PPP1R16B: variants seen among roughly 807,000 people sequenced by gnomAD.
PPP1R16B encodes protein phosphatase 1 regulatory inhibitor subunit 16B.
PPP1R16B carries 14 observed loss-of-function variants against 61.7 expected under a neutral mutation model. The ratio of observed to expected loss-of-function variants is 0.23; its 90% CI spans 0.15 to 0.35. The LOEUF (loss-of-function observed/expected upper bound fraction) is 0.35. PPP1R16B is among the 10% of genes least tolerant of loss of function. The pLI, the probability that PPP1R16B is intolerant of heterozygous loss-of-function variation, is 1.00. For synonymous variants in PPP1R16B, 266 were observed against 305.3 expected (o/e 0.87, Z 1.34); for missense variants, 547 against 752.5 (o/e 0.73, Z 3.19).
intron 2 of PPP1R16B, among the ~76,000 whole-genome samples, chr20:38,850,356 C>G (rs191492812): frequency 6.6e-6 from 1 of 152,088 alleles, no homozygotes; most frequent in Non-Finnish European, 1.5e-5. Context: ...ACCCACTCCC[C>G]CAAAAATATT....
chr20:38,864,417 G>C (rs2085076569), intron 2 of PPP1R16B, among the ~76,000 whole-genome samples: 1 of 152,208 alleles, frequency 6.6e-6, no homozygotes, highest in Admixed American at 6.5e-5. Flanking sequence ...GCACTTGCTA[G>C]TGCCACTGGC....
chr20:38,914,828 A>G (rs959389313), intron 10 of PPP1R16B, among the ~76,000 whole-genome samples: 4 of 152,042 alleles, frequency 2.6e-5, no homozygotes, highest in Non-Finnish European at 2.9e-5. Context: ...CACCATGCCC[A>G]GCTAATTTTT....
intron 10 of PPP1R16B, among the ~76,000 whole-genome samples, chr20:38,910,988 C>T (rs1255235631): frequency 1.3e-5 from 2 of 151,352 alleles, no homozygotes; most frequent in Non-Finnish European, 2.9e-5. Flanking sequence ...AGCGAGACTC[C>T]GTCTCAAAAC....
Position 38,842,006 on chromosome 20 carries a change from G to A in PPP1R16B, c.250+5831G>A, listed in dbSNP as rs148017808. On this transcript the variant is annotated intron_variant, in intron 2 of 10. Transcript: ENST00000299824. Reference sequence around the variant, plus strand: ...ATGTTTAACTTTTTAAGAAACTGCTGTACTGTCTTGGAAAATGGCTTCACT... The same window carrying A: ...ATGTTTAACTTTTTAAGAAACTGCTATACTGTCTTGGAAAATGGCTTCACT... 2.3e-3 allele frequency among the ~76,000 whole-genome samples: 350 copies of A among 152,282 alleles called. 1 individual carries two copies. The highest frequency in any genetic ancestry group is 7.8e-3 in the African/African-American group (326 of 41,542).
At chr20:38,878,957 G>T (rs751506776) in intron 2 of PPP1R16B, among the ~76,000 whole-genome samples, 3 of 152,200 alleles carry the variant, frequency 2.0e-5, no homozygotes, top group Non-Finnish European at 4.4e-5. Context: ...CAGGGCATCT[G>T]GGGAGAGGGG....
chr20:38,918,208 C>G lies in PPP1R16B; in HGVS notation c.1246C>G (p.Pro416Ala). Reference protein sequence around the residue: ...VLLSEFPTKIPRGELDMPVEN... With the variant: ...VLLSEFPTKIARGELDMPVEN... The stretch of plus-strand genomic sequence containing the variant: ...ACTCTCCGAATTTCCTACCAAGATC[C>G]CACGAGGTGAACTGGACATGCCTGT... Residue 416 changes from proline (P) to alanine (A), a missense_variant, in exon 11 of 11, where the codon CCA becomes GCA. Transcript: ENST00000299824. This position sits in a 1 kb window ranked among gnomAD's most constrained non-coding sequence, Gnocchi z 5.3. 1 of 1,614,236 alleles carries G rather than the reference C, an allele frequency of 6.2e-7. No individual in the cohort carries two copies.
At chr20:38,854,956 A>C (rs1284556364) in intron 2 of PPP1R16B, among the ~76,000 whole-genome samples, 1 of 152,214 alleles carries the variant, frequency 6.6e-6, no homozygotes, top group Non-Finnish European at 1.5e-5. Context: ...GTCACATAAA[A>C]GTATTCTTAT....
intron 5 of PPP1R16B, 52 bp downstream of exon 5, chr20:38,900,736 G>A (rs561002417): frequency 2.1e-6 from 3 of 1,397,524 alleles, no homozygotes; most frequent in East Asian, 2.6e-5. Context: ...GTTGCAGAGA[G>A]CGTCCCTTAA....
intron 1 of PPP1R16B, among the ~76,000 whole-genome samples, chr20:38,812,907 C>T (rs1204760003): frequency 6.6e-6 from 1 of 152,188 alleles, no homozygotes; most frequent in African/African-American, 2.4e-5. Flanking sequence ...CCTTTGGTTT[C>T]CTGCTAAAAT....
At chr20:38,826,838 C>G (rs1328585123) in intron 1 of PPP1R16B, among the ~76,000 whole-genome samples, 2 of 152,244 alleles carry the variant, frequency 1.3e-5, no homozygotes, top group Non-Finnish European at 2.9e-5. Flanking sequence ...ACTCCAGCAT[C>G]ATGCCATGGC....
intron 2 of PPP1R16B, among the ~76,000 whole-genome samples, chr20:38,878,898 A>T (rs562695714): frequency 1.3e-5 from 2 of 152,264 alleles, no homozygotes; most frequent in African/African-American, 4.8e-5. Flanking sequence ...AGGAGAAGTG[A>T]GGTGAGAGAT....
chr20:38,915,046 C>T (rs1007263739), intron 10 of PPP1R16B, among the ~76,000 whole-genome samples: 1 of 151,840 alleles, frequency 6.6e-6, no homozygotes, highest in Non-Finnish European at 1.5e-5. Context: ...GTGGAAAGTA[C>T]AGATATTTCC....
chr20:38,895,448 A>G (rs1233019049), intron 3 of PPP1R16B, 117 bp from the exon 4 acceptor site: 1 of 1,242,828 alleles, frequency 8.0e-7, no homozygotes, highest in African/African-American at 1.5e-5. Context: ...AGCTGGATTC[A>G]AACAGGCCTT....
Position 38,906,111 on chromosome 20 carries a change from G to A in PPP1R16B, c.822+17G>A. On this transcript the variant is annotated intron_variant, in intron 7 of 10. Transcript: ENST00000299824. Reference sequence around the variant, plus strand: ...TGGGGACAGGTAGTTCTCACCCACAGGGCTGTGGGGGAGGCCGGCACAGGG... The same window carrying A: ...TGGGGACAGGTAGTTCTCACCCACAAGGCTGTGGGGGAGGCCGGCACAGGG... 1.9e-6 allele frequency: 3 copies of A among 1,608,720 alleles called. No individual in the cohort carries two copies. Among genetic ancestry groups the A allele is most frequent in the Non-Finnish European group, 2.5e-6 (3 of 1,178,406 alleles).
intron 2 of PPP1R16B, among the ~76,000 whole-genome samples, chr20:38,842,297 C>G (rs976051141): frequency 6.6e-6 from 1 of 152,216 alleles, no homozygotes; most frequent in Non-Finnish European, 1.5e-5. Context: ...CTGCTGGCAT[C>G]TTGGGCCCTT....
At chr20:38,870,262 C>T (rs1002688152) in intron 2 of PPP1R16B, among the ~76,000 whole-genome samples, 1 of 152,144 alleles carries the variant, frequency 6.6e-6, no homozygotes, top group East Asian at 1.9e-4. Context: ...TTATTGAGCA[C>T]CTGTGGTGTG....
intron 3 of PPP1R16B, among the ~76,000 whole-genome samples, chr20:38,894,504 A>G (rs944447341): frequency 2.6e-5 from 4 of 152,220 alleles, no homozygotes; most frequent in African/African-American, 9.7e-5. Context: ...TCCACGTGTA[A>G]TCAGAGGAGC....
At chr20:38,870,723 A>C (rs1194851877) in intron 2 of PPP1R16B, among the ~76,000 whole-genome samples, 2 of 152,146 alleles carry the variant, frequency 1.3e-5, no homozygotes, top group Non-Finnish European at 2.9e-5. Context: ...TCTTAGCTGC[A>C]AGCAGGACCG....
intron 1 of PPP1R16B, among the ~76,000 whole-genome samples, chr20:38,815,706 T>C (rs530900933): frequency 6.6e-6 from 1 of 152,382 alleles, no homozygotes; most frequent in East Asian, 1.9e-4. Flanking sequence ...AAGCAGAACA[T>C]TTCTGCATAA....
Sources: gnomAD v4.1 joint callset for allele counts (sites outside exome capture counted in the v4.1 genomes callset) on GRCh38, gnomAD v4.1.1 for gene constraint, Gnocchi (gnomAD v3.1) non-coding constraint, MANE v1.5 for transcripts, NCBI Gene and HGNC (gene_info 2026-07-23, HGNC 2026-07-21) for gene names.